Variants in PGM5 observed in about 807,000 individuals in gnomAD.
The protein encoded by PGM5 is phosphoglucomutase-like protein 5.
In PGM5, 23 loss-of-function variants were observed where a neutral mutation model predicts 59.2. The observed-to-expected ratio is 0.39, with a 90% CI of 0.28 to 0.55. PGM5 has a LOEUF of 0.55. PGM5 is among the 20% of genes least tolerant of loss of function. PGM5 has a pLI of 0.66. For missense variants in PGM5, 574 were observed against 748.3 expected (o/e 0.77, Z 2.72); for synonymous variants, 214 against 286.0 (o/e 0.75, Z 2.54).
At chr9:68,486,043 G>A (rs1194533065) in intron 9 of PGM5, among the ~76,000 whole-genome samples, 8 of 152,066 alleles carry the variant, frequency 5.3e-5, no homozygotes, top group African/African-American at 1.5e-4. Context: ...TCAGCCCCAG[G>A]GATAGTTGAG....
chr9:68,411,404 T>C (rs1328518094), intron 6 of PGM5, among the ~76,000 whole-genome samples: 10 of 135,260 alleles, frequency 7.4e-5, no homozygotes, highest in Admixed American at 1.6e-4. Flanking sequence ...TACACACACA[T>C]ATATACACAC....
At chr9:68,481,479 A>C (rs1300090349) in intron 8 of PGM5, among the ~76,000 whole-genome samples, 1 of 152,224 alleles carries the variant, frequency 6.6e-6, no homozygotes, top group Non-Finnish European at 1.5e-5. Context: ...TTGGCACATG[A>C]CATTCTTCTA....
intron 1 of PGM5, chr9:68,357,697 C>T: frequency 2.3e-6 from 1 of 426,716 alleles, no homozygotes; most frequent in Non-Finnish European, 4.2e-6. Flanking sequence ...CGCACCTGCT[C>T]ATTTTTCTTT....
rs572220412 is a variant in PGM5, at chr9:68,508,182, G to A, written c.1614+8821G>A. ...CAGAGCCCATCTCAAATCTCTCTTTGTGGCAATATATACAAAAGAGGCCCT... is the reference window on the plus strand; with the variant it reads ...CAGAGCCCATCTCAAATCTCTCTTTATGGCAATATATACAAAAGAGGCCCT... On this transcript the variant is annotated intron_variant, in intron 10 of 10. Transcript: ENST00000396396. Among the ~76,000 whole-genome samples the A allele has an allele frequency of 6.6e-5, 10 of 151,986 alleles. No homozygotes were observed. The South Asian group carries it at 2.1e-3, about 32-fold the overall frequency.
chr9:68,385,781 G>GCT (rs1265355454), intron 3 of PGM5, among the ~76,000 whole-genome samples: 1 of 151,978 alleles, frequency 6.6e-6, no homozygotes, highest in Non-Finnish European at 1.5e-5. Flanking sequence ...ATCTTCGTGG[G>GCT]CTCTCATTCA....
rs538051285 is a variant in PGM5 at position 68,420,562 on chromosome 9, G to A, written c.1043+28089G>A. Among the ~76,000 whole-genome samples, 8 of 152,296 alleles carry A rather than the reference G, an allele frequency of 5.3e-5. No homozygotes were observed. The South Asian group carries it at 1.5e-3, about 28-fold the overall frequency. ...GTACTATACAAATGATCATTGTGAT[G>A]ACATTTTCTTAAAATGGGTTATATG... On this transcript the variant is annotated intron_variant, in intron 6 of 10. Coordinates refer to ENST00000396396, the MANE Select transcript of PGM5 (RefSeq NM_021965.4).
At chr9:68,461,531 A>G (rs1587817687) in intron 6 of PGM5, among the ~76,000 whole-genome samples, 1 of 152,212 alleles carries the variant, frequency 6.6e-6, no homozygotes, top group Admixed American at 6.5e-5. Context: ...CCAATGTGAT[A>G]GTATTCAGAG....
At chr9:68,361,160 C>T (rs1385243134) in intron 1 of PGM5, among the ~76,000 whole-genome samples, 3 of 152,166 alleles carry the variant, frequency 2.0e-5, no homozygotes, top group African/African-American at 7.2e-5. Flanking sequence ...TCAAGTGATC[C>T]TTCCAGCTTG....
chr9:68,524,950 A>G (rs552915844), intron 10 of PGM5, among the ~76,000 whole-genome samples: 47 of 152,290 alleles, frequency 3.1e-4, no homozygotes, highest in African/African-American at 9.4e-4. Flanking sequence ...AATGACACCA[A>G]TCCACATTCC....
intron 6 of PGM5, among the ~76,000 whole-genome samples, chr9:68,454,466 G>A (rs1409533646): frequency 6.6e-6 from 1 of 152,196 alleles, no homozygotes; most frequent in Admixed American, 6.5e-5. Flanking sequence ...CCTGGTGCTT[G>A]AAGGGGGCTC....
chr9:68,461,300 CCATTGGCTAGAACTTGAGTTT>C (rs1182636808), intron 6 of PGM5, among the ~76,000 whole-genome samples: 4 of 152,200 alleles, frequency 2.6e-5, no homozygotes, highest in Non-Finnish European at 5.9e-5. Context: ...AAGAGGAGTT[CCATTGGCTAGAACTTGAGTTT>C]CATTGGCTAG....
At chr9:68,504,745 C>T (rs147577068) in intron 10 of PGM5, among the ~76,000 whole-genome samples, 1 of 152,164 alleles carries the variant, frequency 6.6e-6, no homozygotes, top group African/African-American at 2.4e-5. Context: ...TATCTGTCTC[C>T]ACCCAGTAGA....
At chr9:68,414,563 G>A (rs1554681836) in intron 6 of PGM5, among the ~76,000 whole-genome samples, 4 of 151,798 alleles carry the variant, frequency 2.6e-5, no homozygotes. Flanking sequence ...GCAGGCTGGT[G>A]ACCACACTGC....
chr9:68,358,221 G>A (rs1269951952), intron 1 of PGM5, among the ~76,000 whole-genome samples: 4 of 152,168 alleles, frequency 2.6e-5, no homozygotes, highest in Admixed American at 2.6e-4. Context: ...AACATTTCAT[G>A]CCTCTTCCCC....
chr9:68,491,121 A>T (rs1824382526), intron 9 of PGM5, among the ~76,000 whole-genome samples: 1 of 152,244 alleles, frequency 6.6e-6, no homozygotes, highest in African/African-American at 2.4e-5. Context: ...GCTCATTAGC[A>T]CCGAGGATAC....
chr9:68,462,737 T>G (rs141884593), intron 6 of PGM5, among the ~76,000 whole-genome samples: 4 of 152,202 alleles, frequency 2.6e-5, no homozygotes, highest in African/African-American at 9.6e-5. Flanking sequence ...GCGCATTTTA[T>G]TTGTTATCCA....
At chr9:68,442,904 T>C (rs1242265158) in intron 6 of PGM5, among the ~76,000 whole-genome samples, 1 of 152,208 alleles carries the variant, frequency 6.6e-6, no homozygotes, top group Non-Finnish European at 1.5e-5. Context: ...GCTAATACCT[T>C]AGTGTTGATG....
intron 10 of PGM5, among the ~76,000 whole-genome samples, chr9:68,521,654 G>A (rs1451820314): frequency 6.6e-6 from 1 of 152,202 alleles, no homozygotes; most frequent in East Asian, 1.9e-4. Context: ...ACATTTGGGA[G>A]GGATGGGGAT....
intron 1 of PGM5, among the ~76,000 whole-genome samples, chr9:68,360,122 C>G (rs1834549375): frequency 6.6e-6 from 1 of 152,104 alleles, no homozygotes; most frequent in Admixed American, 6.5e-5. Context: ...CATGAACCAC[C>G]ATGCCCAGCC....
Sources: allele counts gnomAD v4.1 joint callset (sites outside exome capture counted in the v4.1 genomes callset), GRCh38; gene constraint gnomAD v4.1.1; transcripts MANE v1.5; gene names NCBI Gene and HGNC (gene_info 2026-07-23, HGNC 2026-07-21).